The following LYPD6B variants were observed in gnomAD, a reference collection of about 807,000 sequenced individuals.
LYPD6B encodes the protein LY6/PLAUR domain containing 6B.
In LYPD6B, 17 loss-of-function variants were observed where a neutral mutation model predicts 22.8. That is an observed-to-expected ratio of 0.75 (90% CI 0.51 to 1.12). The LOEUF (loss-of-function observed/expected upper bound fraction) is 1.12. LYPD6B is among the 50% of genes most tolerant of loss of function. The pLI is 0.00. For missense variants in LYPD6B, 221 were observed against 258.3 expected, an observed-to-expected ratio of 0.86 and a Z score of 0.99; for synonymous variants, 106 against 91.6, an observed-to-expected ratio of 1.16 and a Z score of -0.90.
chr2:149,208,052 A>G (rs1405128826), intron 4 of LYPD6B, among the ~76,000 whole-genome samples: 3 of 152,096 alleles, frequency 2.0e-5, no homozygotes, highest in African/African-American at 7.2e-5. Flanking sequence ...GAACAATACT[A>G]TGCATCTTTC....
chr2:149,067,836 TG>T (rs1684412307), intron 1 of LYPD6B, among the ~76,000 whole-genome samples: 1 of 152,190 alleles, frequency 6.6e-6, no homozygotes, highest in Non-Finnish European at 1.5e-5. Flanking sequence ...TACTACTCAC[TG>T]GTAGCATGTA....
chr2:149,139,575 A>G (rs1688563846), intron 2 of LYPD6B, among the ~76,000 whole-genome samples: 1 of 152,216 alleles, frequency 6.6e-6, no homozygotes, highest in Non-Finnish European at 1.5e-5. Flanking sequence ...TTCCTCATTT[A>G]AACAGCAAGG....
intron 2 of LYPD6B, among the ~76,000 whole-genome samples, chr2:149,157,144 G>C (rs1163018587): frequency 6.6e-6 from 1 of 152,158 alleles, no homozygotes; most frequent in African/African-American, 2.4e-5. Context: ...GATTAGGCTA[G>C]CTTGAGATCC....
intron 2 of LYPD6B, chr2:149,160,447 G>A (rs1188086610): frequency 4.1e-6 from 2 of 488,332 alleles, no homozygotes; most frequent in Admixed American, 4.6e-5. Context: ...CAGCTCTTTG[G>A]TAAGCAGCCA....
At chr2:149,190,555 A>T (rs575371040) in intron 3 of LYPD6B, among the ~76,000 whole-genome samples, 1 of 152,296 alleles carries the variant, frequency 6.6e-6, no homozygotes, top group African/African-American at 2.4e-5. Context: ...TGGTCTTCTC[A>T]AAAGGAGAGT....
chr2:149,155,256 C>T (rs1410567278), intron 2 of LYPD6B, among the ~76,000 whole-genome samples: 1 of 152,226 alleles, frequency 6.6e-6, no homozygotes, highest in Non-Finnish European at 1.5e-5. Flanking sequence ...GAAGCACAAT[C>T]ACCCTCTGGT....
At chr2:149,173,189 TA>T (rs1215038105) in intron 3 of LYPD6B, among the ~76,000 whole-genome samples, 38 of 144,198 alleles carry the variant, frequency 2.6e-4, no homozygotes, top group South Asian at 1.3e-3. Context: ...TTTTTTTTTT[TA>T]AAAAAAGACA....
chr2:149,192,419 C>CTTT (rs11369954), intron 3 of LYPD6B, among the ~76,000 whole-genome samples: 18 of 125,174 alleles, frequency 1.4e-4, no homozygotes, highest in African/African-American at 4.4e-4. Context: ...AGGGGCAAGT[C>CTTT]TTTTTTTTTT....
intron 1 of LYPD6B, among the ~76,000 whole-genome samples, chr2:149,053,758 CT>C (rs1352677992): frequency 6.6e-6 from 1 of 152,204 alleles, no homozygotes; most frequent in Non-Finnish European, 1.5e-5. Flanking sequence ...CCCCCATTCC[CT>C]GGCAACCACT....
intron 1 of LYPD6B, among the ~76,000 whole-genome samples, chr2:149,103,436 G>A (rs1344858572): frequency 6.6e-6 from 1 of 152,094 alleles, no homozygotes; most frequent in Non-Finnish European, 1.5e-5. Context: ...TTGGCAAAGG[G>A]CACCGTCAAA....
intron 1 of LYPD6B, among the ~76,000 whole-genome samples, chr2:149,127,294 A>G (rs1019182722): frequency 3.9e-5 from 6 of 152,176 alleles, no homozygotes; most frequent in Admixed American, 3.3e-4. Flanking sequence ...GTGAGCTTAT[A>G]TTTGATAAAA....
chr2:149,196,883 G>A (rs1692845622), intron 3 of LYPD6B, among the ~76,000 whole-genome samples: 1 of 152,176 alleles, frequency 6.6e-6, no homozygotes, highest in African/African-American at 2.4e-5. Flanking sequence ...GAGTGACCCT[G>A]AATGCTAAAT....
intron 5 of LYPD6B, among the ~76,000 whole-genome samples, chr2:149,212,380 C>CAAA (rs386391473): frequency 0.48 from 28,883 of 59,714 alleles, 9,239 homozygotes; most frequent in East Asian, 0.74. Context: ...GACTCCGTCT[C>CAAA]AAAAAAAAAA....
At chr2:149,099,589 G>A (rs1686092279) in intron 1 of LYPD6B, among the ~76,000 whole-genome samples, 1 of 152,124 alleles carries the variant, frequency 6.6e-6, no homozygotes, top group Non-Finnish European at 1.5e-5. Flanking sequence ...GTATAATGAA[G>A]TGAGTCCCAA....
At chr2:149,210,598 G>A (rs1693783107) in intron 5 of LYPD6B, among the ~76,000 whole-genome samples, 1 of 152,140 alleles carries the variant, frequency 6.6e-6, no homozygotes, top group Non-Finnish European at 1.5e-5. Flanking sequence ...TTACTTTACA[G>A]CTTCACTTCT....
At chr2:149,197,345 C>G (rs1252712216) in intron 3 of LYPD6B, among the ~76,000 whole-genome samples, 2 of 152,152 alleles carry the variant, frequency 1.3e-5, no homozygotes. Context: ...AACCCCGTCT[C>G]TACTAAAAAT....
chr2:149,064,903 G>T (rs1684253236), intron 1 of LYPD6B, among the ~76,000 whole-genome samples: 1 of 152,186 alleles, frequency 6.6e-6, no homozygotes. Context: ...ACCTTCTGGT[G>T]CTTTGGTTGG....
At chr2:149,192,714 A>G (rs1692573434) in intron 3 of LYPD6B, among the ~76,000 whole-genome samples, 1 of 152,140 alleles carries the variant, frequency 6.6e-6, no homozygotes, top group Non-Finnish European at 1.5e-5. Context: ...AAGATGAATC[A>G]TGGAGTATAG....
rs386391472 is a variant in LYPD6B at position 149,168,211 on chromosome 2, CAAAAAAAAAAA to C, written c.77+7390_77+7400del. Among the ~76,000 whole-genome samples the C allele has an allele frequency of 1.0e-4, 5 of 48,488 alleles. 1 individual carries two copies. The South Asian group carries it at 2.5e-3, about 24-fold the overall frequency. 31.8% of individuals were successfully genotyped at this position (48,488 alleles called of 152,430 possible). ...TGGGCAACAGAGTGAGGCTCTGTCT[CAAAAAAAAAAA>C]AAAAAAAAAAAAAGAACCTTGCTCT... On this transcript the variant is annotated intron_variant, in intron 3 of 6. Transcript: ENST00000409642.
Sources: gnomAD v4.1 joint callset for allele counts (sites outside exome capture counted in the v4.1 genomes callset) on GRCh38, gnomAD v4.1.1 for gene constraint, MANE v1.5 for transcripts, NCBI Gene and HGNC (gene_info 2026-07-23, HGNC 2026-07-21) for gene names.